Variants in STUM observed in about 807,000 individuals in gnomAD.
STUM encodes the protein protein stum homolog.
STUM carries 8 observed loss-of-function variants against 15.3 expected under a neutral mutation model. The ratio of observed to expected loss-of-function variants is 0.52; its 90% CI spans 0.31 to 0.94. The LOEUF (loss-of-function observed/expected upper bound fraction) is 0.94. Among genes scored for constraint, STUM ranks in the 40% least tolerant of loss-of-function variants. The pLI is 0.05. For synonymous variants in STUM, 78 were observed against 88.7 expected (o/e 0.88, Z 0.68); for missense variants, 142 against 204.9 (o/e 0.69, Z 1.87).
At chr1:226,582,439 CA>C (rs1667933698) in intron 1 of STUM, among the ~76,000 whole-genome samples, 2 of 152,046 alleles carry the variant, frequency 1.3e-5, no homozygotes, top group African/African-American at 4.8e-5. Context: ...CTAAAAAGTA[CA>C]AAAAATTAGC....
chr1:226,597,064 C>A, intron 2 of STUM, 83 bp downstream of exon 2: 2 of 1,319,800 alleles, frequency 1.5e-6, no homozygotes, highest in Non-Finnish European at 2.2e-6. Context: ...CATGTCTGGC[C>A]GAGGTCCTGC....
intron 1 of STUM, among the ~76,000 whole-genome samples, chr1:226,571,644 C>CA (rs1553310682): frequency 6.9e-6 from 1 of 144,838 alleles, no homozygotes; most frequent in African/African-American, 2.5e-5. Context: ...TCTTCTTCTT[C>CA]TTTTTTTTTT....
At position 226,565,581 on chromosome 1, in the gene STUM, G is replaced by T. The variant is rs951504954; in HGVS notation, c.202+16475G>T. On this transcript the variant is annotated intron_variant, in intron 1 of 3. Coordinates refer to ENST00000366788, the MANE Select transcript of STUM (RefSeq NM_001003665.4). The surrounding 1 kb of genome is among the most constrained non-coding windows in gnomAD (Gnocchi z 4.4). The stretch of plus-strand genomic sequence containing the variant: ...GCCAGGGCTTCCTGCCGTCTGAAAA[G>T]TGTGGGTGTCCAGCTTGCAAATGGC... Among the ~76,000 whole-genome samples, 1 of 152,244 alleles carries T rather than the reference G, an allele frequency of 6.6e-6. No homozygotes were observed. Among genetic ancestry groups the T allele is most frequent in the Admixed American group, 6.5e-5 (1 of 15,294 alleles).
intron 1 of STUM, among the ~76,000 whole-genome samples, chr1:226,550,630 A>C (rs1667360523): frequency 1.4e-5 from 2 of 147,876 alleles, no homozygotes; most frequent in African/African-American, 2.5e-5. Context: ...GGTAAACGCC[A>C]CCCTATGGTC....
At chr1:226,584,281 G>A (rs566567887) in intron 1 of STUM, among the ~76,000 whole-genome samples, 1 of 152,344 alleles carries the variant, frequency 6.6e-6, no homozygotes, top group East Asian at 1.9e-4. Context: ...ACCTGAGCTA[G>A]TTTGGACTTT....
chr1:226,558,261 T>C (rs1436626106), intron 1 of STUM, among the ~76,000 whole-genome samples: 1 of 152,228 alleles, frequency 6.6e-6, no homozygotes. Context: ...TGTTAGAATA[T>C]GTTAGAGTAT....
chr1:226,564,700 A>G (rs1239494783), intron 1 of STUM, among the ~76,000 whole-genome samples: 2 of 152,234 alleles, frequency 1.3e-5, no homozygotes, highest in African/African-American at 4.8e-5. Flanking sequence ...CAGGGCACCC[A>G]GTAGAATCCC....
chr1:226,598,586 G>A lies in STUM; in HGVS notation c.382+1605G>A, dbSNP rs555603442. 3.3e-5 allele frequency among the ~76,000 whole-genome samples: 5 copies of A among 152,348 alleles called. 1 individual carries two copies. In the South Asian group the frequency reaches 8.3e-4, roughly 25 times the overall value. On this transcript the variant is annotated intron_variant, in intron 2 of 3. Transcript: ENST00000366788. The stretch of plus-strand genomic sequence containing the variant: ...TAAAGAACTCCCTTCATCATGCCTA[G>A]ATGAGGCATTGAGGCCCCAGAAGTG...
intron 1 of STUM, among the ~76,000 whole-genome samples, chr1:226,583,088 C>T (rs1214018812): frequency 6.6e-6 from 1 of 152,210 alleles, no homozygotes; most frequent in African/African-American, 2.4e-5. Flanking sequence ...CATGTGGTGA[C>T]AGTGCAGAGC....
chr1:226,597,090 G>C (rs962613447), intron 2 of STUM, 109 bp downstream of exon 2: 1 of 1,078,034 alleles, frequency 9.3e-7, no homozygotes, highest in Admixed American at 1.8e-5. Context: ...CGCTAAGCAC[G>C]GGCTCTGGAG....
intron 1 of STUM, among the ~76,000 whole-genome samples, chr1:226,563,636 ATGC>A (rs1667575944): frequency 6.6e-6 from 1 of 152,252 alleles, no homozygotes. Flanking sequence ...GCAGATCCCA[ATGC>A]TGCAGAGCTA....
At chr1:226,564,836 C>T (rs1571797250) in intron 1 of STUM, among the ~76,000 whole-genome samples, 2 of 152,302 alleles carry the variant, frequency 1.3e-5, no homozygotes, top group African/African-American at 2.4e-5. Context: ...ATGGGAGCCT[C>T]AGCGCTTAGC....
intron 1 of STUM, among the ~76,000 whole-genome samples, chr1:226,570,892 A>G (rs575163376): frequency 6.6e-6 from 1 of 152,290 alleles, no homozygotes; most frequent in Admixed American, 6.5e-5. Flanking sequence ...ATAGACTTTA[A>G]AAGCCCCAAT....
intron 1 of STUM, among the ~76,000 whole-genome samples, chr1:226,572,068 G>A (rs1275814566): frequency 6.6e-6 from 1 of 152,162 alleles, no homozygotes; most frequent in African/African-American, 2.4e-5. Context: ...GAGCAGAGAG[G>A]CAACAAGACA....
rs1667603394 is a variant in STUM, at chr1:226,565,296, C to T, written c.202+16190C>T. 6.6e-6 allele frequency among the ~76,000 whole-genome samples: 1 copy of T among 152,174 alleles called. No homozygotes were observed. The highest frequency in any genetic ancestry group is 1.5e-5 in the Non-Finnish European group (1 of 68,026). On this transcript the variant is annotated intron_variant, in intron 1 of 3. Transcript: ENST00000366788. This position sits in a 1 kb window ranked among gnomAD's most constrained non-coding sequence, Gnocchi z 4.4. ...ACCAGCATTTCAGCCTCCCATCCTG[C>T]CCAGACCTCTGTGTATAGTTCCTTC...
chr1:226,573,176 G>T (rs1367230531), intron 1 of STUM, among the ~76,000 whole-genome samples: 1 of 152,228 alleles, frequency 6.6e-6, no homozygotes, highest in East Asian at 1.9e-4. Context: ...CCAAAGTGGT[G>T]CATCGGTCTG....
chr1:226,576,066 C>T (rs769617076), intron 1 of STUM, among the ~76,000 whole-genome samples: 24 of 152,270 alleles, frequency 1.6e-4, no homozygotes, highest in African/African-American at 4.3e-4. Context: ...GCCTCAGACG[C>T]GGCTCTGTCT....
intron 1 of STUM, among the ~76,000 whole-genome samples, chr1:226,595,987 A>T (rs1668174081): frequency 6.6e-6 from 1 of 152,170 alleles, no homozygotes; most frequent in Non-Finnish European, 1.5e-5. Context: ...GATATAGAGA[A>T]TGCTAATTCT....
intron 1 of STUM, among the ~76,000 whole-genome samples, chr1:226,588,066 T>C (rs1435914865): frequency 6.6e-6 from 1 of 152,152 alleles, no homozygotes; most frequent in East Asian, 1.9e-4. Flanking sequence ...TCTGCAAAAG[T>C]GTGTGGATGT....
Sources: allele counts gnomAD v4.1 joint callset (sites outside exome capture counted in the v4.1 genomes callset), GRCh38; gene constraint gnomAD v4.1.1; non-coding constraint Gnocchi (gnomAD v3.1); transcripts MANE v1.5; gene names NCBI Gene and HGNC (gene_info 2026-07-23, HGNC 2026-07-21).